Variants in COL22A1 observed in about 807,000 individuals in gnomAD.
The protein encoded by COL22A1 is collagen type XXII alpha 1 chain.
Under a neutral mutation model 248.9 loss-of-function variants are expected in COL22A1, and 221 were observed. That is an observed-to-expected ratio of 0.89 (90% CI 0.80 to 0.99). The LOEUF (loss-of-function observed/expected upper bound fraction) is 0.99, where lower values mean the gene tolerates loss of function less well. Ranked by LOEUF, COL22A1 falls within the 50% of genes least tolerant of loss-of-function variation. The pLI is 0.00. For synonymous variants in COL22A1, 891 were observed against 793.4 expected (o/e 1.12, Z -2.07); for missense variants, 2,240 against 2,179.0 (o/e 1.03, Z -0.56).
chr8:138,811,676 T>G (rs896563538), intron 9 of COL22A1, 123 bp downstream of exon 9: 1 of 1,098,722 alleles, frequency 9.1e-7, no homozygotes, highest in Non-Finnish European at 1.4e-6. Context: ...CACAGGGTGC[T>G]GTCAGCTGAC....
intron 2 of COL22A1, among the ~76,000 whole-genome samples, chr8:138,879,295 G>A (rs891305912): frequency 6.6e-6 from 1 of 152,106 alleles, no homozygotes; most frequent in African/African-American, 2.4e-5. Context: ...GCGCTCTCCT[G>A]TTAGATATTT....
At chr8:138,779,392 T>C in intron 14 of COL22A1, 117 bp downstream of exon 14, 1 of 674,316 alleles carries the variant, frequency 1.5e-6, no homozygotes, top group Admixed American at 2.4e-5. Flanking sequence ...AGCAGTTATA[T>C]GAGAAGAGGG....
chr8:138,889,002 A>C (rs1824863512), intron 1 of COL22A1, among the ~76,000 whole-genome samples: 1 of 152,200 alleles, frequency 6.6e-6, no homozygotes, highest in South Asian at 2.1e-4. Context: ...ATCATCAAGG[A>C]ACTATGAAAG....
chr8:138,848,408 G>A (rs1268331311), intron 3 of COL22A1, among the ~76,000 whole-genome samples: 4 of 152,118 alleles, frequency 2.6e-5, no homozygotes, highest in African/African-American at 7.2e-5. Context: ...AAAACACCAC[G>A]AATTTACTGT....
At chr8:138,705,490 G>T (rs1346692728) in intron 30 of COL22A1, among the ~76,000 whole-genome samples, 1 of 152,178 alleles carries the variant, frequency 6.6e-6, no homozygotes, top group Non-Finnish European at 1.5e-5. Context: ...CATTCTTAAA[G>T]AAAAGAATTT....
chr8:138,821,085 T>C, intron 7 of COL22A1, 51 bp downstream of exon 7: 2 of 1,592,282 alleles, frequency 1.3e-6, no homozygotes, highest in Non-Finnish European at 1.7e-6. Flanking sequence ...CTCCCAAGGC[T>C]TCTCCCCGGT....
chr8:138,868,234 C>T (rs1823050758), intron 3 of COL22A1, among the ~76,000 whole-genome samples: 2 of 152,158 alleles, frequency 1.3e-5, no homozygotes, highest in Admixed American at 1.3e-4. Flanking sequence ...CCCAGGCCTT[C>T]CCTGACTTCT....
chr8:138,738,205 A>T (rs958350251), intron 22 of COL22A1, among the ~76,000 whole-genome samples: 2 of 152,184 alleles, frequency 1.3e-5, no homozygotes, highest in Non-Finnish European at 2.9e-5. Flanking sequence ...TAGGTAGGTT[A>T]CTTAGGGCGT....
chr8:138,879,161 A>G (rs189075328), intron 2 of COL22A1, among the ~76,000 whole-genome samples: 181 of 152,320 alleles, frequency 1.2e-3, no homozygotes, highest in African/African-American at 3.6e-3. Flanking sequence ...TACCAGACAC[A>G]CTGATACATA....
At chr8:138,616,164 G>T in intron 54 of COL22A1, 110 bp from the exon 55 acceptor site, 1 of 889,138 alleles carries the variant, frequency 1.1e-6, no homozygotes, top group Non-Finnish European at 1.8e-6. Flanking sequence ...CAGGGGCCCT[G>T]TCAACTTCCA....
At chr8:138,636,700 C>T (rs1370264784) in intron 48 of COL22A1, 42 bp downstream of exon 48, 4 of 1,469,552 alleles carry the variant, frequency 2.7e-6, no homozygotes, top group African/African-American at 2.8e-5. Context: ...AAACAGTGCT[C>T]CTTCCTCAGG....
intron 3 of COL22A1, among the ~76,000 whole-genome samples, chr8:138,867,666 G>A (rs1341187484): frequency 6.6e-6 from 1 of 152,218 alleles, no homozygotes; most frequent in Admixed American, 6.5e-5. Flanking sequence ...GAGTTAACCT[G>A]TGATTTGCAC....
chr8:138,749,607 G>A (rs773183649), intron 22 of COL22A1, among the ~76,000 whole-genome samples: 21 of 152,320 alleles, frequency 1.4e-4, no homozygotes, highest in South Asian at 2.1e-4. Context: ...GTCCCTTGCT[G>A]AGCACTTTTT....
chr8:138,760,619 C>T (rs79219744), intron 17 of COL22A1, among the ~76,000 whole-genome samples: 3,962 of 152,154 alleles, frequency 0.026, 178 homozygotes, highest in African/African-American at 0.09. Context: ...GGACCTGCCC[C>T]GGCCCAGGGA....
intron 12 of COL22A1, among the ~76,000 whole-genome samples, chr8:138,792,510 C>T (rs1416871653): frequency 6.6e-6 from 1 of 152,208 alleles, no homozygotes; most frequent in Non-Finnish European, 1.5e-5. Flanking sequence ...GGCTCTCATG[C>T]TTACATCCTT....
chr8:138,823,716 T>G (rs1430107631), intron 6 of COL22A1, among the ~76,000 whole-genome samples: 29 of 152,218 alleles, frequency 1.9e-4, no homozygotes, highest in Admixed American at 1.9e-3. Context: ...ATTTATTGAC[T>G]TTTTTCATAG....
At chr8:138,670,790 T>C (rs907763782) in intron 41 of COL22A1, among the ~76,000 whole-genome samples, 1 of 151,242 alleles carries the variant, frequency 6.6e-6, no homozygotes, top group African/African-American at 2.4e-5. Flanking sequence ...CAAAACCTCA[T>C]CTCTATAAAA....
intron 43 of COL22A1, among the ~76,000 whole-genome samples, chr8:138,661,187 ACTC>A (rs1823925132): frequency 6.6e-6 from 1 of 152,094 alleles, no homozygotes; most frequent in African/African-American, 2.4e-5. Context: ...CTAGAAAAAT[ACTC>A]CTATTAGACT....
chr8:138,780,803 T>C, intron 13 of COL22A1, 124 bp downstream of exon 13: 1 of 802,226 alleles, frequency 1.2e-6, no homozygotes, highest in Non-Finnish European at 2.2e-6. Flanking sequence ...GATCCTAATA[T>C]AAATACGTCC....
Sources: allele counts gnomAD v4.1 joint callset (sites outside exome capture counted in the v4.1 genomes callset), GRCh38; gene constraint gnomAD v4.1.1; transcripts MANE v1.5; gene names NCBI Gene and HGNC (gene_info 2026-07-23, HGNC 2026-07-21).